VPS13B: variants seen among roughly 807,000 people sequenced by gnomAD.
VPS13B encodes vacuolar protein sorting 13 homolog B.
In VPS13B, 285 loss-of-function variants were observed where a neutral mutation model predicts 426.4. The ratio of observed to expected loss-of-function variants is 0.67; its 90% CI spans 0.61 to 0.74. The LOEUF (loss-of-function observed/expected upper bound fraction) is 0.74, where lower values mean the gene tolerates loss of function less well. Ranked by LOEUF, VPS13B falls within the 30% of genes least tolerant of loss-of-function variation. The pLI is 0.00. For synonymous variants in VPS13B, 1,676 were observed against 1,676.4 expected (o/e 1.00, Z 0.01); for missense variants, 4,537 against 4,782.6 (o/e 0.95, Z 1.51).
At chr8:99,427,235 A>G (rs201487944) in intron 21 of VPS13B, among the ~76,000 whole-genome samples, 4 of 90,726 alleles carry the variant, frequency 4.4e-5, no homozygotes, top group African/African-American at 1.4e-4. Flanking sequence ...GGTATGCGGC[A>G]TTATTTCTGA....
rs117148013 is a variant in VPS13B at position 99,642,196 on chromosome 8, C to T, written c.5606C>T (p.Thr1869Met). The part of the protein sequence containing the change: ...VAKPNQACIS[T>M]VTAEDLLRSS... ...AAGCCCAACCAGGCATGTATTTCCACGGTGACAGCAGAAGATCTCTTAAGG... is the reference window on the plus strand; with the variant it reads ...AAGCCCAACCAGGCATGTATTTCCATGGTGACAGCAGAAGATCTCTTAAGG... The change falls in exon 34 of 62, where the codon ACG (threonine) becomes ATG (methionine). Residue 1869 changes from threonine (T) to methionine (M), a missense_variant. By Grantham distance (81) the Thr-to-Met change is moderately conservative (BLOSUM62 -1). Around this residue, in one of 2 missense-constraint regions of VPS13B, gnomAD observed 4,311 missense variants for 4,474.3 expected, o/e 0.96. Transcript: ENST00000357162. 1,581 of 1,614,142 alleles carry T rather than the reference C, an allele frequency of 9.8e-4. 2 individuals carry two copies. The highest frequency in any genetic ancestry group is 1.8e-3 in the South Asian group (164 of 91,078).
At position 99,480,171 on chromosome 8, in the gene VPS13B, G is replaced by A. The variant is rs952398868; in HGVS notation, c.3667-1428G>A. Reference sequence around the variant, plus strand: ...TAAAAGTTGAACATTTATCCTACATGTTTTTGCCTTATTTCTTTAAACCTC... The same window carrying A: ...TAAAAGTTGAACATTTATCCTACATATTTTTGCCTTATTTCTTTAAACCTC... On this transcript the variant is annotated intron_variant, in intron 24 of 61. Coordinates refer to ENST00000357162, the MANE Select transcript of VPS13B (RefSeq NM_152564.5). 2.6e-5 allele frequency among the ~76,000 whole-genome samples: 4 copies of A among 152,270 alleles called. No individual in the cohort carries two copies. In the South Asian group the frequency reaches 8.3e-4, roughly 32 times the overall value.
In VPS13B at chr8:99,641,905, G is replaced by A; in HGVS notation, c.5315G>A (p.Gly1772Asp). 6.2e-7 allele frequency: 1 copy of A among 1,614,060 alleles called. No individual in the cohort carries two copies. Among genetic ancestry groups the A allele is most frequent in the Non-Finnish European group, 8.5e-7 (1 of 1,179,980 alleles). ...RYSGAQDSGIGSDSVKIRIVQ... is the reference protein window; with the variant it reads ...RYSGAQDSGIDSDSVKIRIVQ... Reference sequence around the variant, plus strand: ...AGTGGTGCTCAGGATAGTGGAATTGGCAGTGACAGTGTTAAAATCAGAATA... The same window carrying A: ...AGTGGTGCTCAGGATAGTGGAATTGACAGTGACAGTGTTAAAATCAGAATA... The change falls in exon 34 of 62, where the codon GGC becomes GAC. Residue 1772 changes from glycine to aspartate, a missense_variant. By Grantham distance (94) the Gly-to-Asp change is moderately conservative. This residue lies in a region of VPS13B where 4,311 missense variants were observed against 4,474.3 expected (regional missense o/e 0.96). Coordinates refer to ENST00000357162, the MANE Select transcript of VPS13B (RefSeq NM_152564.5).
chr8:99,399,695 G>T (rs1814930835), intron 21 of VPS13B, among the ~76,000 whole-genome samples: 1 of 152,060 alleles, frequency 6.6e-6, no homozygotes, highest in South Asian at 2.1e-4. Flanking sequence ...TGCATTGCTA[G>T]TGTTCATATG....
intron 34 of VPS13B, among the ~76,000 whole-genome samples, chr8:99,657,771 CT>C (rs1446299548): frequency 1.3e-5 from 2 of 151,988 alleles, no homozygotes; most frequent in Non-Finnish European, 2.9e-5. Flanking sequence ...CTTATATATT[CT>C]TAAGTGTTTC....
At chr8:99,752,587 C>A (rs960237406) in intron 39 of VPS13B, among the ~76,000 whole-genome samples, 14 of 152,198 alleles carry the variant, frequency 9.2e-5, no homozygotes, top group Non-Finnish European at 2.1e-4. Context: ...GACCCTAGAT[C>A]TAGCCTAAAT....
At chr8:99,202,454 A>C (rs1272097081) in intron 17 of VPS13B, among the ~76,000 whole-genome samples, 1 of 152,212 alleles carries the variant, frequency 6.6e-6, no homozygotes, top group Non-Finnish European at 1.5e-5. Flanking sequence ...ATCTAGAAGA[A>C]ATGGGTAAAT....
intron 17 of VPS13B, among the ~76,000 whole-genome samples, chr8:99,199,736 T>C (rs772453560): frequency 2.0e-5 from 3 of 152,180 alleles, no homozygotes; most frequent in African/African-American, 4.8e-5. Flanking sequence ...AACACTATGC[T>C]AATTACAGTC....
intron 3 of VPS13B, among the ~76,000 whole-genome samples, chr8:99,081,390 T>C (rs1165945993): frequency 6.6e-6 from 1 of 152,208 alleles, no homozygotes; most frequent in Non-Finnish European, 1.5e-5. Context: ...GTATAAATCC[T>C]TTTTTCTTTT....
chr8:99,463,111 G>A (rs1290972781), intron 23 of VPS13B, among the ~76,000 whole-genome samples: 1 of 152,158 alleles, frequency 6.6e-6, no homozygotes, highest in African/African-American at 2.4e-5. Flanking sequence ...GTCACACACT[G>A]TTATAATATT....
intron 30 of VPS13B, among the ~76,000 whole-genome samples, chr8:99,526,848 TAAA>T (rs1180567243): frequency 6.6e-6 from 1 of 152,158 alleles, no homozygotes. Flanking sequence ...AGGATCTTGA[TAAA>T]ATGTGGATTT....
At position 99,435,062 on chromosome 8, in the gene VPS13B, G is replaced by A. The variant is rs186449995; in HGVS notation, c.3210+3398G>A. Among the ~76,000 whole-genome samples, 4 of 152,258 alleles carry A rather than the reference G, an allele frequency of 2.6e-5. No homozygotes were observed. In the East Asian group the frequency reaches 5.8e-4, roughly 22 times the overall value. The stretch of plus-strand genomic sequence containing the variant: ...TAGGGAGCCCCTTAGAAAACTTAAC[G>A]ATGAAAGAAGAGAAATGGGAATGTC... On this transcript the variant is annotated intron_variant, in intron 22 of 61. Coordinates refer to ENST00000357162, the MANE Select transcript of VPS13B (RefSeq NM_152564.5).
rs184850095 is a variant in VPS13B, at chr8:99,630,753, A to T, written c.5221-11058A>T. On this transcript the variant is annotated intron_variant, in intron 33 of 61. Transcript: ENST00000357162. ...ATTGGGCAACTGTTTATAAGTAAAT[A>T]TTGAAAGTGTTCTGAGAGTAATCTG... 1.5e-4 allele frequency among the ~76,000 whole-genome samples: 23 copies of T among 152,240 alleles called. No homozygotes were observed. The East Asian group carries it at 4.2e-3, about 28-fold the overall frequency.
At chr8:99,374,966 T>A (rs575279994) in intron 19 of VPS13B, among the ~76,000 whole-genome samples, 1 of 152,206 alleles carries the variant, frequency 6.6e-6, no homozygotes, top group East Asian at 1.9e-4. Flanking sequence ...AGTTTAAGGT[T>A]TAGAGTACGC....
At chr8:99,114,389 T>A (rs986306936) in intron 6 of VPS13B, among the ~76,000 whole-genome samples, 4 of 152,220 alleles carry the variant, frequency 2.6e-5, no homozygotes, top group Non-Finnish European at 5.9e-5. Flanking sequence ...CTTTGTATTA[T>A]CAGTTCAGGT....
At chr8:99,727,857 T>C (rs2130384463) in intron 39 of VPS13B, among the ~76,000 whole-genome samples, 1 of 152,380 alleles carries the variant, frequency 6.6e-6, no homozygotes, top group South Asian at 2.1e-4. Flanking sequence ...TAGATCTTCC[T>C]GGCAGCAACC....
rs1242512424 is a variant in VPS13B at position 99,274,222 on chromosome 8, C to G, written c.2540C>G (p.Pro847Arg). ...SIGVKSKNPL[P>R]TLEGSIQNVE... ...GGTGTGAAATCTAAGAATCCCCTGC[C>G]AACTCTTGAGGGCTCAATCCAGAAT... The change falls in exon 18 of 62, where the codon CCA becomes CGA. Residue 847 changes from proline to arginine, a missense_variant. Physicochemically the swap from Pro to Arg is moderately radical, Grantham distance 103. Coordinates refer to ENST00000357162, the MANE Select transcript of VPS13B (RefSeq NM_152564.5). The G allele has an allele frequency of 6.2e-7, 1 of 1,614,128 alleles. No homozygotes were observed. Among genetic ancestry groups the G allele is most frequent in the Non-Finnish European group, 8.5e-7 (1 of 1,180,012 alleles).
chr8:99,281,819 C>T (rs1819189350), intron 19 of VPS13B, among the ~76,000 whole-genome samples: 1 of 152,166 alleles, frequency 6.6e-6, no homozygotes, highest in African/African-American at 2.4e-5. Flanking sequence ...TTTCTTTCTT[C>T]TGTTCCTTAA....
chr8:99,665,854 G>A (rs1016830542), intron 35 of VPS13B, among the ~76,000 whole-genome samples: 123 of 152,202 alleles, frequency 8.1e-4, no homozygotes, highest in African/African-American at 2.7e-3. Context: ...AATTCTGTGA[G>A]GAAAGTCATT....
Sources: gnomAD v4.1 joint callset for allele counts (sites outside exome capture counted in the v4.1 genomes callset) on GRCh38, gnomAD v4.1.1 for gene constraint, gnomAD v4.1.1 regional missense constraint, MANE v1.5 for transcripts, NCBI Gene and HGNC (gene_info 2026-07-23, HGNC 2026-07-21) for gene names.